The following NCOA3 variants were observed in gnomAD, a reference collection of about 807,000 sequenced individuals.
NCOA3 encodes the protein CBP-interacting protein.
In NCOA3, 51 loss-of-function variants were observed where a neutral mutation model predicts 158.8. That is an observed-to-expected ratio of 0.32 (90% confidence interval 0.26 to 0.41). The LOEUF is 0.41. Among genes scored for constraint, NCOA3 ranks in the 10% least tolerant of loss-of-function variants. NCOA3 has a pLI of 1.00. For synonymous variants in NCOA3, 537 were observed against 592.4 expected (o/e 0.91, Z 1.36); for missense variants, 1,510 against 1,746.6 (o/e 0.86, Z 2.41).
chr20:47,647,266 C>T lies in NCOA3; in HGVS notation c.3446C>T (p.Pro1149Leu), dbSNP rs762730390. 3 of 1,614,116 alleles carry T rather than the reference C, an allele frequency of 1.9e-6. No individual in the cohort carries two copies. The highest frequency in any genetic ancestry group is 3.3e-5 in the Admixed American group (2 of 60,020). ...MNQMNQQGNF[P>L]LQGMHPRANI... ...CAGATGAACCAGCAAGGCAATTTTC[C>T]TCTCCAAGGAATGCACCCACGAGCC... The change falls in exon 18 of 23, where the codon CCT becomes CTT. Residue 1149 changes from proline (P) to leucine (L), a missense_variant. By Grantham distance (98) the Pro-to-Leu change is moderately conservative (BLOSUM62 -3). This residue lies in a region of NCOA3 where 1,017 missense variants were observed against 1,098.3 expected (regional missense o/e 0.93). Transcript: ENST00000371998.
chr20:47,590,908 A>G (rs762651392), intron 2 of NCOA3, among the ~76,000 whole-genome samples: 1 of 152,166 alleles, frequency 6.6e-6, no homozygotes, highest in Non-Finnish European at 1.5e-5. Context: ...TCAGGAGTTC[A>G]AGACCAGCCT....
At position 47,561,744 on chromosome 20, in the gene NCOA3, T is replaced by C. The variant is rs536795748; in HGVS notation, c.-98-21439T>C. On this transcript the variant is annotated intron_variant, in intron 1 of 22. Coordinates refer to ENST00000371998, the MANE Select transcript of NCOA3 (RefSeq NM_181659.3). The stretch of plus-strand genomic sequence containing the variant: ...CCCTGCCAGAGTGGTGGATTTGTTA[T>C]AGTTGATGAATTTATGCTGACACAT... Among the ~76,000 whole-genome samples, 13 of 152,324 alleles carry C rather than the reference T, an allele frequency of 8.5e-5. No individual in the cohort carries two copies. In the South Asian group the frequency reaches 2.3e-3, roughly 27 times the overall value.
chr20:47,586,372 C>T (rs1261479410), intron 2 of NCOA3, among the ~76,000 whole-genome samples: 1 of 152,054 alleles, frequency 6.6e-6, no homozygotes, highest in Non-Finnish European at 1.5e-5. Context: ...TCTTTTTCTA[C>T]CCACGTAAAC....
intron 1 of NCOA3, among the ~76,000 whole-genome samples, chr20:47,547,404 ATAT>A (rs200074877): frequency 2.7e-5 from 4 of 146,572 alleles, no homozygotes; most frequent in South Asian, 2.1e-4. Context: ...TTTTATTTTT[ATAT>A]TATTATTATT....
At chr20:47,511,559 C>CT (rs71183261) in intron 1 of NCOA3, among the ~76,000 whole-genome samples, 7 of 87,544 alleles carry the variant, frequency 8.0e-5, no homozygotes, top group East Asian at 7.4e-4. Context: ...ATATATATTT[C>CT]TTTTTTTTTT....
intron 3 of NCOA3, chr20:47,623,139 T>C (rs192412215): frequency 9.5e-4 from 144 of 152,322 alleles, no homozygotes; most frequent in African/African-American, 3.2e-3. Flanking sequence ...AACAAAATAA[T>C]GTAATCTATA....
intron 1 of NCOA3, among the ~76,000 whole-genome samples, chr20:47,555,738 A>T (rs1426188865): frequency 7.1e-6 from 1 of 140,378 alleles, no homozygotes; most frequent in Non-Finnish European, 1.5e-5. Context: ...TCCCAGGTTC[A>T]TGCCATTCTC....
rs1214085440 is a variant in NCOA3, at chr20:47,533,601, T to A, written c.-99+31582T>A. On this transcript the variant is annotated intron_variant, in intron 1 of 22. Transcript: ENST00000371998. Reference sequence around the variant, plus strand: ...TTCATAAGACCCTCCAGCAGTCATGTGAAGAGTAGCCTGTAAGAGTGCAAG... The same window carrying A: ...TTCATAAGACCCTCCAGCAGTCATGAGAAGAGTAGCCTGTAAGAGTGCAAG... 3.3e-5 allele frequency among the ~76,000 whole-genome samples: 5 copies of A among 152,142 alleles called. 1 individual carries two copies. Among genetic ancestry groups the A allele is most frequent in the Admixed American group, 2.6e-4 (4 of 15,262 alleles).
In NCOA3 at chr20:47,533,530, TA is replaced by T. The variant is rs1176091476; in HGVS notation, c.-99+31512del. Among the ~76,000 whole-genome samples the T allele has an allele frequency of 3.3e-5, 5 of 152,218 alleles. No individual in the cohort carries two copies. The East Asian group carries it at 9.6e-4, about 29-fold the overall frequency. On this transcript the variant is annotated intron_variant, in intron 1 of 22. Transcript: ENST00000371998. ...TCTTTTACACATACACAGTGCCTTATACAGTATATGGGTTTAGCAGAGATTA... is the reference window on the plus strand; with the variant it reads ...TCTTTTACACATACACAGTGCCTTATCAGTATATGGGTTTAGCAGAGATTA...
At chr20:47,578,060 C>G (rs1337476435) in intron 1 of NCOA3, among the ~76,000 whole-genome samples, 1 of 151,920 alleles carries the variant, frequency 6.6e-6, no homozygotes, top group Non-Finnish European at 1.5e-5. Context: ...CCAATGTTCT[C>G]CTGGGAAGCA....
chr20:47,653,826 C>T lies in NCOA3; in HGVS notation c.*409C>T, dbSNP rs548508082. 5.0e-6 allele frequency: 1 copy of T among 200,796 alleles called. No individual in the cohort carries two copies. The highest frequency in any genetic ancestry group is 1.4e-4 in the South Asian group (1 of 7,342). 12.4% of individuals were successfully genotyped at this position (200,796 alleles called of 1,614,324 possible). ...AGAGAGATTAGAATATCTGGTTTCTCTAGTTGCAGTATTGGACAAAGAGCA... is the reference window on the plus strand; with the variant it reads ...AGAGAGATTAGAATATCTGGTTTCTTTAGTTGCAGTATTGGACAAAGAGCA... On this transcript the variant is annotated 3_prime_UTR_variant, in exon 23 of 23. Coordinates refer to ENST00000371998, the MANE Select transcript of NCOA3 (RefSeq NM_181659.3).
At chr20:47,631,884 A>G (rs1212761157) in intron 8 of NCOA3, among the ~76,000 whole-genome samples, 4 of 152,226 alleles carry the variant, frequency 2.6e-5, no homozygotes, top group African/African-American at 9.7e-5. Context: ...CATTTGGGAA[A>G]ACACTGTTTT....
intron 1 of NCOA3, among the ~76,000 whole-genome samples, chr20:47,543,664 C>T (rs2084780750): frequency 6.6e-6 from 1 of 152,084 alleles, no homozygotes; most frequent in South Asian, 2.1e-4. Context: ...TGCGCACCAC[C>T]ACGCCTGGCT....
chr20:47,639,134 C>T lies in NCOA3; in HGVS notation c.2639C>T (p.Pro880Leu). 6.2e-7 allele frequency: 1 copy of T among 1,614,062 alleles called. No individual in the cohort carries two copies. Among genetic ancestry groups the T allele is most frequent in the South Asian group, 1.1e-5 (1 of 91,070 alleles). Residue 880 changes from proline to leucine, a missense_variant, in exon 14 of 23, where the codon CCA (proline) becomes CTA (leucine). Around this residue, in one of 4 missense-constraint regions of NCOA3, gnomAD observed 1,017 missense variants for 1,098.3 expected, o/e 0.93. Transcript: ENST00000371998. ...AATATCAGTGCTTTCCCCATGTTAC[C>T]AAAGCAACCCATGTTGGGTGGGAAT... ...VKNISAFPML[P>L]KQPMLGGNPR...
chr20:47,571,002 G>GTGTGTGTA (rs1464626672), intron 1 of NCOA3, among the ~76,000 whole-genome samples: 1 of 141,912 alleles, frequency 7.0e-6, no homozygotes, highest in African/African-American at 2.7e-5. Flanking sequence ...GTGTGTGTGT[G>GTGTGTGTA]TATATACATT....
intron 1 of NCOA3, among the ~76,000 whole-genome samples, chr20:47,539,948 G>A (rs1435922157): frequency 6.6e-6 from 1 of 152,142 alleles, no homozygotes; most frequent in Non-Finnish European, 1.5e-5. Flanking sequence ...AAATATTTAA[G>A]GGATACTAGT....
chr20:47,644,280 C>T (rs904675299), intron 17 of NCOA3, among the ~76,000 whole-genome samples: 15 of 151,956 alleles, frequency 9.9e-5, no homozygotes, highest in Admixed American at 3.3e-4. Context: ...GCTGGGACTA[C>T]AGGTGCCCGC....
chr20:47,543,499 T>TTTC (rs771803659), intron 1 of NCOA3, among the ~76,000 whole-genome samples: 8 of 151,946 alleles, frequency 5.3e-5, no homozygotes, highest in African/African-American at 1.7e-4. Context: ...TTTTTCTTTC[T>TTTC]TTCTTCTTCT....
chr20:47,650,075 T>C (rs1457396379), intron 19 of NCOA3, among the ~76,000 whole-genome samples: 1 of 151,986 alleles, frequency 6.6e-6, no homozygotes, highest in African/African-American at 2.4e-5. Flanking sequence ...TTTCCTGTAA[T>C]TGTCTTTCAT....
Sources: allele counts gnomAD v4.1 joint callset (sites outside exome capture counted in the v4.1 genomes callset), GRCh38; gene constraint gnomAD v4.1.1; regional missense constraint gnomAD v4.1.1; transcripts MANE v1.5; gene names NCBI Gene and HGNC (gene_info 2026-07-23, HGNC 2026-07-21).